The following LMNB1 variants were observed in gnomAD, a reference collection of about 807,000 sequenced individuals.
LMNB1 encodes lamin-B1.
A neutral mutation model predicts 67.1 loss-of-function variants in LMNB1; 23 were observed. The ratio of observed to expected loss-of-function variants is 0.34; its 90% confidence interval spans 0.25 to 0.49. The LOEUF is 0.49. Ranked by LOEUF, LMNB1 falls within the 20% of genes least tolerant of loss-of-function variation. LMNB1 has a pLI of 0.99. For synonymous variants in LMNB1, 281 were observed against 282.9 expected (o/e 0.99, Z 0.07); for missense variants, 634 against 746.5 (o/e 0.85, Z 1.76).
chr5:126,830,357 C>A (rs1752103858), intron 9 of LMNB1, among the ~76,000 whole-genome samples: 1 of 152,238 alleles, frequency 6.6e-6, no homozygotes, highest in South Asian at 2.1e-4. Flanking sequence ...GTGAACCTTT[C>A]AGGACACTTG....
At chr5:126,802,553 C>A (rs1235005383) in intron 1 of LMNB1, among the ~76,000 whole-genome samples, 1 of 152,176 alleles carries the variant, frequency 6.6e-6, no homozygotes, top group Non-Finnish European at 1.5e-5. Flanking sequence ...AGGCAATTCT[C>A]CTGCCTCAGC....
rs147287297 is a variant in LMNB1, at chr5:126,833,701, T to G, written c.1719+900T>G. Among the ~76,000 whole-genome samples the G allele has an allele frequency of 1.4e-3, 217 of 152,276 alleles. 1 individual carries two copies. The highest frequency in any genetic ancestry group is 4.9e-3 in the African/African-American group (204 of 41,558). On this transcript the variant is annotated intron_variant, in intron 10 of 10. Transcript: ENST00000261366. The stretch of plus-strand genomic sequence containing the variant: ...CTTCAATGGGAACCATCGTAATTAC[T>G]AGAAGTAAAATAATTATGTAAGAGA...
rs1183309259 is a variant in LMNB1 at position 126,807,712 on chromosome 5, G to GT, written c.642+2024dup. 5.3e-5 allele frequency among the ~76,000 whole-genome samples: 8 copies of GT among 152,026 alleles called. No individual in the cohort carries two copies. In the East Asian group the frequency reaches 1.2e-3, roughly 22 times the overall value. On this transcript the variant is annotated intron_variant, in intron 3 of 10. Coordinates refer to ENST00000261366, the MANE Select transcript of LMNB1 (RefSeq NM_005573.4). ...TTGTGTGTAGACAACCAGGAGTAGGGTTTTTTTTCTTTGTAAGGTCACTGG... is the reference window on the plus strand; with the variant it reads ...TTGTGTGTAGACAACCAGGAGTAGGGTTTTTTTTTCTTTGTAAGGTCACTGG...
At chr5:126,798,025 A>G (rs1751150320) in intron 1 of LMNB1, among the ~76,000 whole-genome samples, 1 of 152,086 alleles carries the variant, frequency 6.6e-6, no homozygotes, top group African/African-American at 2.4e-5. Context: ...GGTGTAAGTT[A>G]CAGTCAGCCA....
Position 126,812,883 on chromosome 5 carries a change from A to G in LMNB1, c.939+985A>G, listed in dbSNP as rs1408055200. On this transcript the variant is annotated intron_variant, in intron 5 of 10. Coordinates refer to ENST00000261366, the MANE Select transcript of LMNB1 (RefSeq NM_005573.4). Reference sequence around the variant, plus strand: ...GTAGCTGGGACTACAAGTGCGTGCCACCACGCCCGGCTAATTTTTGTATTT... The same window carrying G: ...GTAGCTGGGACTACAAGTGCGTGCCGCCACGCCCGGCTAATTTTTGTATTT... Among the ~76,000 whole-genome samples the G allele has an allele frequency of 1.3e-4, 20 of 152,020 alleles. No individual in the cohort carries two copies. In the East Asian group the frequency reaches 3.7e-3, roughly 28 times the overall value.
intron 8 of LMNB1, 64 bp downstream of exon 8, chr5:126,822,949 A>G: frequency 9.2e-7 from 1 of 1,090,272 alleles, no homozygotes; most frequent in Non-Finnish European, 1.4e-6. Flanking sequence ...TAACTCAAAA[A>G]GTTTTTTGGC....
At chr5:126,807,913 C>T (rs1248738410) in intron 3 of LMNB1, among the ~76,000 whole-genome samples, 1 of 151,486 alleles carries the variant, frequency 6.6e-6, no homozygotes, top group Non-Finnish European at 1.5e-5. Context: ...GCTCTCTCGC[C>T]CAGGCTGGAG....
chr5:126,822,044 C>T (rs1367523939), intron 7 of LMNB1, among the ~76,000 whole-genome samples: 1 of 141,158 alleles, frequency 7.1e-6, no homozygotes, highest in Non-Finnish European at 1.5e-5. Context: ...TGCTCTGTTG[C>T]CCAGGTCGGA....
At chr5:126,786,150 T>G (rs1381398920) in intron 1 of LMNB1, among the ~76,000 whole-genome samples, 1 of 138,502 alleles carries the variant, frequency 7.2e-6, no homozygotes, top group East Asian at 2.3e-4. Context: ...AGTCTGGCTC[T>G]GTCGCCCAGG....
intron 6 of LMNB1, among the ~76,000 whole-genome samples, chr5:126,820,527 C>A (rs67386870): frequency 0.2 from 31,107 of 151,838 alleles, 3,376 homozygotes; most frequent in East Asian, 0.31. Flanking sequence ...TATTCTTCTT[C>A]TTATTATTAT....
chr5:126,781,499 G>A (rs943657391), intron 1 of LMNB1, among the ~76,000 whole-genome samples: 1 of 150,092 alleles, frequency 6.7e-6, no homozygotes, highest in Non-Finnish European at 1.5e-5. Flanking sequence ...TTTTTGAGAC[G>A]GAGCTTGGCT....
At chr5:126,829,773 G>C (rs1752084163) in intron 9 of LMNB1, among the ~76,000 whole-genome samples, 2 of 152,030 alleles carry the variant, frequency 1.3e-5, no homozygotes, top group Non-Finnish European at 2.9e-5. Context: ...TGGGAGGGCG[G>C]AATTAGAGCT....
At chr5:126,826,383 C>T (rs539714224) in intron 9 of LMNB1, among the ~76,000 whole-genome samples, 1 of 152,330 alleles carries the variant, frequency 6.6e-6, no homozygotes, top group Admixed American at 6.5e-5. Context: ...AGTTACTTCA[C>T]CTCTCTTAGA....
chr5:126,825,948 C>CTGGGTT, intron 8 of LMNB1, 40 bp from the exon 9 acceptor site: 1 of 1,612,220 alleles, frequency 6.2e-7, no homozygotes, highest in Non-Finnish European at 8.5e-7. Context: ...TGTGGGAGAA[C>CTGGGTT]TGGGTTCTGG....
chr5:126,832,640 C>T (rs1752162578), intron 9 of LMNB1, 54 bp from the exon 10 acceptor site: 1 of 1,287,208 alleles, frequency 7.8e-7, no homozygotes, highest in African/African-American at 1.5e-5. Flanking sequence ...TCCCTCTCCC[C>T]CGCATTTGGT....
intron 9 of LMNB1, among the ~76,000 whole-genome samples, chr5:126,828,435 T>C (rs965769777): frequency 1.3e-5 from 2 of 152,346 alleles, no homozygotes; most frequent in East Asian, 3.9e-4. Flanking sequence ...GTAGTAGATA[T>C]TATGACATGG....
chr5:126,777,149 T>G lies in LMNB1; in HGVS notation c.-360T>G. On this transcript the variant is annotated 5_prime_UTR_variant, in exon 1 of 11. Coordinates refer to ENST00000261366, the MANE Select transcript of LMNB1 (RefSeq NM_005573.4). Reference sequence around the variant, plus strand: ...CCCCCGCCCGCCGCTCCGTGCAGCCTGAGAGGAAACAAAGTGCTGCGAGCA... The same window carrying G: ...CCCCCGCCCGCCGCTCCGTGCAGCCGGAGAGGAAACAAAGTGCTGCGAGCA... 6.8e-6 allele frequency: 1 copy of G among 146,496 alleles called. No individual in the cohort carries two copies. The highest frequency in any genetic ancestry group is 2.2e-4 in the East Asian group (1 of 4,480). The allele number at this position is 146,496 out of a possible 1,614,324, so 9.1% of individuals were successfully genotyped here.
At position 126,828,109 on chromosome 5, in the gene LMNB1, A is replaced by G. The variant is rs115180717; in HGVS notation, c.1611+2002A>G. Among the ~76,000 whole-genome samples, 1,305 of 152,330 alleles carry G rather than the reference A, an allele frequency of 8.6e-3. 21 individuals carry two copies. The highest frequency in any genetic ancestry group is 0.029 in the African/African-American group (1,201 of 41,570). On this transcript the variant is annotated intron_variant, in intron 9 of 10. Coordinates refer to ENST00000261366, the MANE Select transcript of LMNB1 (RefSeq NM_005573.4). ...AAATAAAGCAATAGCAGCATTCATT[A>G]TAAGAGTCTGAGGTGCCTGGATAAA...
chr5:126,832,854 C>T, intron 10 of LMNB1, 53 bp downstream of exon 10: 2 of 1,207,976 alleles, frequency 1.7e-6, no homozygotes, highest in East Asian at 2.7e-5. Flanking sequence ...CACAGAATTA[C>T]ATGAAGACCA....
Sources: gnomAD v4.1 joint callset for allele counts (sites outside exome capture counted in the v4.1 genomes callset) on GRCh38, gnomAD v4.1.1 for gene constraint, MANE v1.5 for transcripts, NCBI Gene and HGNC (gene_info 2026-07-23, HGNC 2026-07-21) for gene names.